Variants in LOXHD1 observed in about 807,000 individuals in gnomAD.
LOXHD1 encodes the protein lipoxygenase homology domain-containing protein 1.
Under a neutral mutation model 248.2 loss-of-function variants are expected in LOXHD1, and 205 were observed. That is an observed-to-expected ratio of 0.83 (90% CI 0.74 to 0.93). The LOEUF (loss-of-function observed/expected upper bound fraction) is 0.93. Among genes scored for constraint, LOXHD1 ranks in the 40% least tolerant of loss-of-function variants. LOXHD1 has a pLI of 0.00. For missense variants in LOXHD1, 2,930 were observed against 2,971.6 expected (o/e 0.99, Z 0.33); for synonymous variants, 1,113 against 1,162.8 (o/e 0.96, Z 0.87).
chr18:46,496,476 C>T (rs927957378), intron 37 of LOXHD1, among the ~76,000 whole-genome samples: 1 of 152,056 alleles, frequency 6.6e-6, no homozygotes, highest in African/African-American at 2.4e-5. Flanking sequence ...TATATTTTTC[C>T]TCATACGTGT....
rs559402840 is a variant in LOXHD1, at chr18:46,594,340, G to A, written c.1261C>T (p.Arg421Trp). Residue 421 changes from arginine to tryptophan, a missense_variant, in exon 9 of 41, where the codon CGG becomes TGG. Transcript: ENST00000642948. ...LYEMVSLRKK[R>W]LKKFPWSLWV... is the part of the protein sequence containing the mutation. ...GGTCTCTCTCACTTACTTTTCAGCC[G>A]CTTCTTCCTGAGAGACACCATCTCA... 2.5e-5 allele frequency: 39 copies of A among 1,551,500 alleles called. 1 individual carries two copies. Among genetic ancestry groups the A allele is most frequent in the East Asian group, 2.0e-4 (8 of 40,912 alleles).
chr18:46,586,322 G>T (rs2038059376), intron 12 of LOXHD1, among the ~76,000 whole-genome samples: 1 of 152,202 alleles, frequency 6.6e-6, no homozygotes. Context: ...TCTGGAATTT[G>T]ATAGTGGTGA....
rs544895753 is a variant in LOXHD1, at chr18:46,579,496, C to T, written c.1809+134G>A. The T allele has an allele frequency of 2.8e-4, 341 of 1,215,712 alleles. 2 individuals carry two copies. The South Asian group carries it at 4.7e-3, about 17-fold the overall frequency. 75.3% of individuals were successfully genotyped at this position (1,215,712 alleles called of 1,614,324 possible). A position where few individuals can be genotyped will look rare whatever the true frequency, so the allele number is the denominator to read the frequency against. ...GATTCCCCAGTTCCCCGCCCCCTTA[C>T]CCAGAGTGAGGCTCCTGATGGCTGA... On this transcript the variant is annotated intron_variant, in intron 13 of 40. Coordinates refer to ENST00000642948, the MANE Select transcript of LOXHD1 (RefSeq NM_001384474.1).
At chr18:46,576,184 T>C (rs2037850478) in intron 14 of LOXHD1, among the ~76,000 whole-genome samples, 1 of 152,210 alleles carries the variant, frequency 6.6e-6, no homozygotes, top group South Asian at 2.1e-4. Flanking sequence ...GGAGTAAGTA[T>C]ATAGTAGGTA....
At position 46,611,013 on chromosome 18, in the gene LOXHD1, C is replaced by T. The variant is rs918351270; in HGVS notation, c.611-89G>A. 7 of 1,474,690 alleles carry T rather than the reference C, an allele frequency of 4.7e-6. No individual in the cohort carries two copies. In the Admixed American group the frequency reaches 6.6e-5, roughly 14 times the overall value. The allele number at this position is 1,474,690 out of a possible 1,614,324, so 91.4% of individuals were successfully genotyped here. On this transcript the variant is annotated intron_variant, in intron 5 of 40. Coordinates refer to ENST00000642948, the MANE Select transcript of LOXHD1 (RefSeq NM_001384474.1). ...CATGGTCCGCCCACTGAAAGATGCT[C>T]TTCCAAAGTTAACAAGGGCAACTTC...
At chr18:46,604,312 T>C (rs1161866261) in intron 6 of LOXHD1, 83 bp from the exon 7 acceptor site, 1 of 1,509,112 alleles carries the variant, frequency 6.6e-7, no homozygotes, top group African/African-American at 1.4e-5. Context: ...TTCCAATCAC[T>C]TGAGTCTACT....
At chr18:46,480,411 G>A (rs1389157869) in intron 40 of LOXHD1, among the ~76,000 whole-genome samples, 1 of 152,104 alleles carries the variant, frequency 6.6e-6, no homozygotes, top group Non-Finnish European at 1.5e-5. Flanking sequence ...CATAAGACAT[G>A]TTTTCCTGTG....
rs1350438698 is a variant in LOXHD1 at position 46,593,621 on chromosome 18, G to A, written c.1410C>T (p.Pro470=). Residue 470 remains proline (P), a synonymous_variant, in exon 10 of 41, where the codon CCC becomes CCT. Transcript: ENST00000642948. The part of the protein sequence containing the change: ...LLNPNNKWFK[P]GIIEKFRIEL... ...CTACCCTAAACTTCTCGATTATGCCGGGTTTGAACCACTTGTTGTTGGGAT... is the reference window on the plus strand; with the variant it reads ...CTACCCTAAACTTCTCGATTATGCCAGGTTTGAACCACTTGTTGTTGGGAT... 1.2e-5 allele frequency: 19 copies of A among 1,552,224 alleles called. No homozygotes were observed. The highest frequency in any genetic ancestry group is 1.7e-4 in the Middle Eastern group (1 of 5,998).
At chr18:46,593,892 A>G (rs2038216985) in intron 9 of LOXHD1, 132 bp from the exon 10 acceptor site, 3 of 903,700 alleles carry the variant, frequency 3.3e-6, no homozygotes, top group Non-Finnish European at 5.0e-6. Context: ...TCCCACTCTC[A>G]GAAACCCATT....
intron 40 of LOXHD1, among the ~76,000 whole-genome samples, chr18:46,479,167 A>T (rs2032312491): frequency 6.6e-6 from 1 of 151,724 alleles, no homozygotes. Flanking sequence ...TGGAAATATG[A>T]CTATTAAATG....
At chr18:46,480,356 A>G (rs1229859116) in intron 40 of LOXHD1, among the ~76,000 whole-genome samples, 1 of 152,160 alleles carries the variant, frequency 6.6e-6, no homozygotes, top group Non-Finnish European at 1.5e-5. Flanking sequence ...CCACGTGTAC[A>G]TAGACATATG....
At chr18:46,503,404 C>T (rs1473512932) in intron 37 of LOXHD1, among the ~76,000 whole-genome samples, 2 of 152,148 alleles carry the variant, frequency 1.3e-5, no homozygotes, top group Non-Finnish European at 2.9e-5. Context: ...TGTGGAGATA[C>T]ACAGAATGTG....
intron 40 of LOXHD1, among the ~76,000 whole-genome samples, chr18:46,479,613 A>G (rs1404049101): frequency 6.6e-6 from 1 of 152,024 alleles, no homozygotes; most frequent in African/African-American, 2.4e-5. Flanking sequence ...AACAATTGCT[A>G]TGGTTTCTTC....
rs745580665 is a variant in LOXHD1 at position 46,604,222 on chromosome 18, A to G, written c.767T>C (p.Ile256Thr). 3.2e-6 allele frequency: 5 copies of G among 1,551,588 alleles called. No homozygotes were observed. Among genetic ancestry groups the G allele is most frequent in the South Asian group, 1.2e-5 (1 of 84,058 alleles). Reference protein sequence around the residue: ...SAGWFLSQIVIEDIGNKRKYD... With the variant: ...SAGWFLSQIVTEDIGNKRKYD... ...TTTTCTTTTGTTCCCAATATCTTCAATGACTATCTGGGAAGGAGAAGAGGG... is the reference window on the plus strand; with the variant it reads ...TTTTCTTTTGTTCCCAATATCTTCAGTGACTATCTGGGAAGGAGAAGAGGG... The change falls in exon 7 of 41, where the codon ATT becomes ACT. Residue 256 changes from isoleucine to threonine, a missense_variant. By Grantham distance (89) the Ile-to-Thr change is moderately conservative (BLOSUM62 -1). Transcript: ENST00000642948.
intron 37 of LOXHD1, among the ~76,000 whole-genome samples, chr18:46,490,497 C>T (rs74561520): frequency 0.03 from 4,554 of 152,304 alleles, 271 homozygotes; most frequent in East Asian, 0.22. Flanking sequence ...ATTTATGAGA[C>T]GGAGTTTCAC....
At chr18:46,566,564 G>A (rs1599011290) in intron 16 of LOXHD1, 115 bp from the exon 17 acceptor site, 1 of 890,458 alleles carries the variant, frequency 1.1e-6, no homozygotes, top group East Asian at 2.7e-5. Context: ...CCAGTCCCCA[G>A]GAGAGGGAAG....
chr18:46,599,930 T>C (rs573478265), intron 8 of LOXHD1, among the ~76,000 whole-genome samples: 1 of 152,188 alleles, frequency 6.6e-6, no homozygotes, highest in Non-Finnish European at 1.5e-5. Flanking sequence ...TTTACAAGAA[T>C]GTATAAAACA....
At chr18:46,531,449 G>A (rs750012839) in intron 28 of LOXHD1, among the ~76,000 whole-genome samples, 2 of 151,918 alleles carry the variant, frequency 1.3e-5, no homozygotes, top group Non-Finnish European at 2.9e-5. Context: ...CTGTGCATTT[G>A]GGCCTGCTCC....
intron 37 of LOXHD1, among the ~76,000 whole-genome samples, chr18:46,500,163 T>C (rs1472080386): frequency 6.6e-6 from 1 of 152,218 alleles, no homozygotes; most frequent in Non-Finnish European, 1.5e-5. Context: ...GAATCTGCTC[T>C]ACACCGCCCT....
Sources: gnomAD v4.1 joint callset for allele counts (sites outside exome capture counted in the v4.1 genomes callset) on GRCh38, gnomAD v4.1.1 for gene constraint, MANE v1.5 for transcripts, NCBI Gene and HGNC (gene_info 2026-07-23, HGNC 2026-07-21) for gene names.